XPR1: variants seen among roughly 807,000 people sequenced by gnomAD.
The protein encoded by XPR1 is xenotropic and polytropic retrovirus receptor 1.
In XPR1, 28 loss-of-function variants were observed where a neutral mutation model predicts 87.5. That is an observed-to-expected ratio of 0.32 (90% confidence interval 0.24 to 0.44). The LOEUF (loss-of-function observed/expected upper bound fraction) is 0.44, where lower values mean the gene tolerates loss of function less well. XPR1 is among the 20% of genes least tolerant of loss of function. The pLI, the probability that XPR1 is intolerant of heterozygous loss-of-function variation, is 1.00. For missense variants in XPR1, 559 were observed against 862.3 expected, an observed-to-expected ratio of 0.65 and a Z score of 4.41; for synonymous variants, 300 against 306.1, an observed-to-expected ratio of 0.98 and a Z score of 0.21.
intron 3 of XPR1, among the ~76,000 whole-genome samples, chr1:180,802,906 A>G (rs964956490): frequency 2.0e-5 from 3 of 152,226 alleles, no homozygotes; most frequent in African/African-American, 7.2e-5. Flanking sequence ...ACACACATGC[A>G]TGCACACCAC....
chr1:180,646,723 C>A (rs1355206326), intron 1 of XPR1, among the ~76,000 whole-genome samples: 1 of 152,102 alleles, frequency 6.6e-6, no homozygotes, highest in African/African-American at 2.4e-5. Flanking sequence ...TGTGGGCTTA[C>A]CGAAACTGTG....
chr1:180,664,152 A>T (rs1415297113), intron 1 of XPR1, among the ~76,000 whole-genome samples: 1 of 152,116 alleles, frequency 6.6e-6, no homozygotes, highest in East Asian at 1.9e-4. Context: ...CTGGTACCTA[A>T]GCTCAAGACA....
rs1347802963 is a variant in XPR1, at chr1:180,632,289, T to C, written c.69+19T>C. The C allele has an allele frequency of 2.5e-6, 4 of 1,607,504 alleles. No individual in the cohort carries two copies. Among genetic ancestry groups the C allele is most frequent in the East Asian group, 2.2e-5 (1 of 44,480 alleles). ...GTATGAGGTACCGGCACGGCTGGGGTGTGGGAGGACTCGGAGGGGCCACCA... is the reference window on the plus strand; with the variant it reads ...GTATGAGGTACCGGCACGGCTGGGGCGTGGGAGGACTCGGAGGGGCCACCA... On this transcript the variant is annotated intron_variant, in intron 1 of 14. Coordinates refer to ENST00000367590, the MANE Select transcript of XPR1 (RefSeq NM_004736.4).
At chr1:180,684,805 A>G (rs1372257497) in intron 2 of XPR1, among the ~76,000 whole-genome samples, 2 of 152,188 alleles carry the variant, frequency 1.3e-5, no homozygotes, top group African/African-American at 2.4e-5. Flanking sequence ...TTATTGGTGT[A>G]TAACAATGCT....
intron 12 of XPR1, among the ~76,000 whole-genome samples, chr1:180,872,727 A>C (rs1261777232): frequency 6.9e-6 from 1 of 145,894 alleles, no homozygotes; most frequent in East Asian, 2.0e-4. Context: ...GGCACTCCCT[A>C]GTGAGATGAA....
rs1653026140 is a variant in XPR1, at chr1:180,886,819, G to T, written c.*2753G>T. The T allele has an allele frequency of 6.6e-6, 1 of 152,142 alleles. No individual in the cohort carries two copies. Among genetic ancestry groups the T allele is most frequent in the Admixed American group, 6.5e-5 (1 of 15,272 alleles). The allele number at this position is 152,142 out of a possible 1,614,324, so 9.4% of individuals were successfully genotyped here. ...ATATGCCCTAGCAGTTGCGAATGTTGTGTCCACCTTACAATTTGATTGGAG... is the reference window on the plus strand; with the variant it reads ...ATATGCCCTAGCAGTTGCGAATGTTTTGTCCACCTTACAATTTGATTGGAG... On this transcript the variant is annotated 3_prime_UTR_variant, in exon 15 of 15. Coordinates refer to ENST00000367590, the MANE Select transcript of XPR1 (RefSeq NM_004736.4).
intron 1 of XPR1, among the ~76,000 whole-genome samples, chr1:180,648,047 A>G (rs1390074879): frequency 6.6e-6 from 1 of 152,182 alleles, no homozygotes; most frequent in Admixed American, 6.5e-5. Context: ...AGATAGACCA[A>G]GGACCTGAAT....
At chr1:180,838,681 G>T (rs1259853167) in intron 11 of XPR1, among the ~76,000 whole-genome samples, 1 of 152,086 alleles carries the variant, frequency 6.6e-6, no homozygotes, top group Non-Finnish European at 1.5e-5. Flanking sequence ...TACCGTTTCA[G>T]TGTATTTTAA....
At chr1:180,705,261 G>C (rs1344859135) in intron 2 of XPR1, among the ~76,000 whole-genome samples, 1 of 152,142 alleles carries the variant, frequency 6.6e-6, no homozygotes, top group African/African-American at 2.4e-5. Context: ...GAAACAGAGT[G>C]CCAATTCGTG....
chr1:180,666,403 T>C (rs571324435), intron 1 of XPR1, among the ~76,000 whole-genome samples: 1 of 152,206 alleles, frequency 6.6e-6, no homozygotes, highest in Non-Finnish European at 1.5e-5. Context: ...CAATATTGAG[T>C]CTTATAATAC....
In XPR1 at chr1:180,776,202, A is replaced by AGTAG. The variant is rs111400736; in HGVS notation, c.122-11551_122-11550insGTAG. Among the ~76,000 whole-genome samples the AGTAG allele has an allele frequency of 2.9e-3, 444 of 151,640 alleles. 4 individuals are homozygous for AGTAG. Among genetic ancestry groups the AGTAG allele is most frequent in the African/African-American group, 9.7e-3 (402 of 41,384 alleles). ...TTTATCATTAAAATTAATTTTCAAT[A>AGTAG]ATCACCATGTGGCTTTTGGAAAATA... On this transcript the variant is annotated intron_variant, in intron 2 of 14. Coordinates refer to ENST00000367590, the MANE Select transcript of XPR1 (RefSeq NM_004736.4).
intron 6 of XPR1, among the ~76,000 whole-genome samples, chr1:180,810,295 T>TAATTTA (rs1472025240): frequency 2.0e-5 from 3 of 152,140 alleles, no homozygotes; most frequent in Non-Finnish European, 4.4e-5. Flanking sequence ...ATTACCCCAG[T>TAATTTA]ATGGGCTGCA....
chr1:180,832,564 G>C (rs1651105826), intron 9 of XPR1, among the ~76,000 whole-genome samples: 2 of 152,164 alleles, frequency 1.3e-5, no homozygotes, highest in Non-Finnish European at 2.9e-5. Flanking sequence ...GTTAATTTTT[G>C]TGTAAGGTGT....
intron 2 of XPR1, among the ~76,000 whole-genome samples, chr1:180,726,302 C>A (rs1360751751): frequency 6.6e-6 from 1 of 152,218 alleles, no homozygotes; most frequent in African/African-American, 2.4e-5. Context: ...GCCACCCCAG[C>A]CAGCAGCGCA....
At chr1:180,798,189 G>A (rs1649655359) in intron 3 of XPR1, among the ~76,000 whole-genome samples, 1 of 151,992 alleles carries the variant, frequency 6.6e-6, no homozygotes, top group East Asian at 1.9e-4. Flanking sequence ...GATTAAAAAT[G>A]TAAAGGAGAG....
chr1:180,682,754 C>T (rs1656620895), intron 2 of XPR1, among the ~76,000 whole-genome samples: 1 of 151,726 alleles, frequency 6.6e-6, no homozygotes, highest in Non-Finnish European at 1.5e-5. Flanking sequence ...CATAGCTTTT[C>T]CTTTCTATTT....
At chr1:180,739,885 C>A (rs771380206) in intron 2 of XPR1, among the ~76,000 whole-genome samples, 3 of 151,932 alleles carry the variant, frequency 2.0e-5, no homozygotes, top group Non-Finnish European at 4.4e-5. Context: ...AGACTATAGG[C>A]GCTTTTGATG....
At chr1:180,742,020 GTCTTT>G (rs1213371183) in intron 2 of XPR1, among the ~76,000 whole-genome samples, 1 of 151,426 alleles carries the variant, frequency 6.6e-6, no homozygotes, top group Non-Finnish European at 1.5e-5. Flanking sequence ...GGTAATTTGT[GTCTTT>G]TCTTTTTTCT....
intron 11 of XPR1, among the ~76,000 whole-genome samples, chr1:180,840,175 A>G (rs1651453897): frequency 7.0e-6 from 1 of 141,880 alleles, no homozygotes; most frequent in Admixed American, 7.4e-5. Context: ...GTGAGCCGAG[A>G]TTGCGCCACT....
Sources: allele counts gnomAD v4.1 joint callset (sites outside exome capture counted in the v4.1 genomes callset), GRCh38; gene constraint gnomAD v4.1.1; transcripts MANE v1.5; gene names NCBI Gene and HGNC (gene_info 2026-07-23, HGNC 2026-07-21).